Variants in NDUFS1 observed in about 807,000 individuals in gnomAD.
The protein encoded by NDUFS1 is NADH-ubiquinone oxidoreductase 75 kDa subunit, mitochondrial.
NDUFS1 carries 61 observed loss-of-function variants against 84.4 expected under a neutral mutation model. The observed-to-expected ratio is 0.72, with a 90% CI of 0.59 to 0.89. The LOEUF is 0.89. Ranked by LOEUF, NDUFS1 falls within the 40% of genes least tolerant of loss-of-function variation. NDUFS1 has a pLI of 0.00. For missense variants in NDUFS1, 891 were observed against 890.0 expected, an observed-to-expected ratio of 1.00 and a Z score of -0.01; for synonymous variants, 275 against 290.0, an observed-to-expected ratio of 0.95 and a Z score of 0.53.
chr2:206,140,211 T>C (rs548071027), intron 12 of NDUFS1, among the ~76,000 whole-genome samples: 6 of 152,142 alleles, frequency 3.9e-5, no homozygotes, highest in African/African-American at 1.2e-4. Flanking sequence ...TAGCTGGGCA[T>C]GGTGGTGCAT....
intron 8 of NDUFS1, among the ~76,000 whole-genome samples, chr2:206,145,625 T>C (rs1226316730): frequency 1.3e-5 from 2 of 152,052 alleles, no homozygotes; most frequent in Non-Finnish European, 2.9e-5. Flanking sequence ...TGGCCAAAAA[T>C]GACAAAACCC....
rs138483249 is a variant in NDUFS1 at position 206,124,715 on chromosome 2, T to G, written c.2093-439A>C. On this transcript the variant is annotated intron_variant, in intron 18 of 18. Coordinates refer to ENST00000233190, the MANE Select transcript of NDUFS1 (RefSeq NM_005006.7). ...TTAGCCAGGTGTTGTGGCATATGCC[T>G]GTAGTCCCAGCTACTCGGGAGTCTG... 7.1e-3 allele frequency among the ~76,000 whole-genome samples: 1,080 copies of G among 152,128 alleles called. 20 individuals carry two copies. Among genetic ancestry groups the G allele is most frequent in the African/African-American group, 0.025 (1,027 of 41,506 alleles).
At chr2:206,140,943 T>TATATATATACACACACACACACAC (rs367723817) in intron 12 of NDUFS1, among the ~76,000 whole-genome samples, 67 of 136,126 alleles carry the variant, frequency 4.9e-4, no homozygotes, top group East Asian at 4.4e-3. Context: ...TATATATATA[T>TATATATATACACACACACACACAC]ACACACACAC....
chr2:206,136,113 C>T (rs1258237793), intron 13 of NDUFS1, among the ~76,000 whole-genome samples: 1 of 150,298 alleles, frequency 6.7e-6, no homozygotes, highest in Non-Finnish European at 1.5e-5. Context: ...TCCAATGGCG[C>T]AATCTCAGCT....
At chr2:206,133,330 C>T (rs897926383) in intron 13 of NDUFS1, among the ~76,000 whole-genome samples, 1 of 152,098 alleles carries the variant, frequency 6.6e-6, no homozygotes, top group South Asian at 2.1e-4. Flanking sequence ...AGCTAAAACA[C>T]GTTTTCTAAA....
chr2:206,123,080 G>A lies in NDUFS1; in HGVS notation c.*1105C>T, dbSNP rs566546578. ...ATCTATTTTTAATTATCTCCTAATT[G>A]TAAAATTTTTACTTCCTTTTTTATT... On this transcript the variant is annotated 3_prime_UTR_variant, in exon 19 of 19. Transcript: ENST00000233190. 2.4e-4 allele frequency: 37 copies of A among 151,928 alleles called. No individual in the cohort carries two copies. Among genetic ancestry groups the A allele is most frequent in the African/African-American group, 8.7e-4 (36 of 41,452 alleles). 9.4% of individuals were successfully genotyped at this position (151,928 alleles called of 1,614,324 possible).
intron 12 of NDUFS1, among the ~76,000 whole-genome samples, chr2:206,140,991 C>G (rs1691924804): frequency 1.4e-5 from 2 of 146,972 alleles, no homozygotes; most frequent in South Asian, 4.2e-4. Context: ...ATGTTAACAT[C>G]AGTTAATCTA....
intron 8 of NDUFS1, among the ~76,000 whole-genome samples, chr2:206,146,486 GA>G (rs34680716): frequency 0.026 from 4,001 of 152,224 alleles, 177 homozygotes; most frequent in African/African-American, 0.092. Context: ...GATATACACA[GA>G]AATGTGTAAA....
intron 18 of NDUFS1, among the ~76,000 whole-genome samples, chr2:206,126,145 T>C (rs1691283861): frequency 6.6e-6 from 1 of 152,212 alleles, no homozygotes; most frequent in Non-Finnish European, 1.5e-5. Flanking sequence ...CTTAAAAACA[T>C]TCCTAACAAT....
At chr2:206,143,915 G>A in intron 10 of NDUFS1, 103 bp downstream of exon 10, 2 of 930,144 alleles carry the variant, frequency 2.2e-6, no homozygotes. Flanking sequence ...TCATAATCTT[G>A]GTAAAAGTAA....
In NDUFS1 at chr2:206,116,401, C is replaced by A; in HGVS notation, c.*7784G>T. On this transcript the variant is annotated 3_prime_UTR_variant, in exon 19 of 19. Transcript: ENST00000233190. ...TACAGTAACCAGACGGCGCCCATCCCAAGCTGCCAGGGCCTCGATAGGCAG... is the reference window on the plus strand; with the variant it reads ...TACAGTAACCAGACGGCGCCCATCCAAAGCTGCCAGGGCCTCGATAGGCAG... 1.2e-6 allele frequency: 1 copy of A among 813,972 alleles called. No homozygotes were observed. Among genetic ancestry groups the A allele is most frequent in the Non-Finnish European group, 2.1e-6 (1 of 474,040 alleles). 50.4% of individuals were successfully genotyped at this position (813,972 alleles called of 1,614,324 possible). A position where few individuals can be genotyped will look rare whatever the true frequency, so the allele number is the denominator to read the frequency against.
intron 3 of NDUFS1, among the ~76,000 whole-genome samples, 156 bp downstream of exon 3, chr2:206,152,263 G>A (rs979486702): frequency 6.6e-6 from 1 of 152,172 alleles, no homozygotes; most frequent in Admixed American, 6.5e-5. Context: ...AGCTCACTTT[G>A]AAGTGCCAAG....
chr2:206,126,516 G>A, intron 18 of NDUFS1, 23 bp downstream of exon 18: 2 of 1,608,062 alleles, frequency 1.2e-6, no homozygotes, highest in African/African-American at 1.3e-5. Context: ...GTATTTGGCA[G>A]AGTCATGTTG....
In NDUFS1 at chr2:206,116,482, G is replaced by T. The variant is rs973176005; in HGVS notation, c.*7703C>A. The T allele has an allele frequency of 7.5e-6, 9 of 1,200,100 alleles. No homozygotes were observed. Among genetic ancestry groups the T allele is most frequent in the African/African-American group, 3.0e-5 (2 of 66,572 alleles). 74.3% of individuals were successfully genotyped at this position (1,200,100 alleles called of 1,614,324 possible). On this transcript the variant is annotated 3_prime_UTR_variant, in exon 19 of 19. Transcript: ENST00000233190. The stretch of plus-strand genomic sequence containing the variant: ...CTGCAGAGCACGGCCCGCACGCTCC[G>T]CACCACTCGCAGCGCCATGTTCCCA...
In NDUFS1 at chr2:206,153,690, TA is replaced by T; in HGVS notation, c.-4-9del. On this transcript the variant is annotated splice_polypyrimidine_tract_variant and intron_variant, in intron 1 of 18. Coordinates refer to ENST00000233190, the MANE Select transcript of NDUFS1 (RefSeq NM_005006.7). ...GGTATCCTTAACATATTGCTAAAAA[TA>T]AAACAAAGAATTATATTATTGTAGG... 7.2e-7 allele frequency: 1 copy of T among 1,394,308 alleles called. No individual in the cohort carries two copies. Among genetic ancestry groups the T allele is most frequent in the Non-Finnish European group, 1.0e-6 (1 of 994,162 alleles). 86.4% of individuals were successfully genotyped at this position (1,394,308 alleles called of 1,614,324 possible).
chr2:206,136,174 T>C (rs12620907), intron 13 of NDUFS1, among the ~76,000 whole-genome samples: 79,081 of 151,030 alleles, frequency 0.52, 22,237 homozygotes, highest in African/African-American at 0.73. Flanking sequence ...CCCCAGCCTC[T>C]CAAGTAGCTG....
intron 8 of NDUFS1, among the ~76,000 whole-genome samples, chr2:206,145,993 A>C (rs1575982741): frequency 6.6e-6 from 1 of 152,204 alleles, no homozygotes; most frequent in East Asian, 1.9e-4. Flanking sequence ...ACCTATTCAT[A>C]AACTCCTGGA....
At chr2:206,125,794 A>C (rs1416093969) in intron 18 of NDUFS1, among the ~76,000 whole-genome samples, 1 of 151,628 alleles carries the variant, frequency 6.6e-6, no homozygotes, top group Non-Finnish European at 1.5e-5. Flanking sequence ...TCTTTTCTGC[A>C]CCTCTCCCTC....
chr2:206,115,988 T>C lies in NDUFS1; in HGVS notation c.*8197A>G. On this transcript the variant is annotated 3_prime_UTR_variant, in exon 19 of 19. Transcript: ENST00000233190. ...CTTCTTTCATTAGCAGTGTTAACAG[T>C]AGTTTTTTTTTCCCATGGGTAATGC... 1 of 723,034 alleles carries C rather than the reference T, an allele frequency of 1.4e-6. No individual in the cohort carries two copies. The highest frequency in any genetic ancestry group is 2.6e-6 in the Non-Finnish European group (1 of 388,704). The allele number at this position is 723,034 out of a possible 1,614,324, so 44.8% of individuals were successfully genotyped here.
Sources: allele counts gnomAD v4.1 joint callset (sites outside exome capture counted in the v4.1 genomes callset), GRCh38; gene constraint gnomAD v4.1.1; transcripts MANE v1.5; gene names NCBI Gene and HGNC (gene_info 2026-07-23, HGNC 2026-07-21).